The following FBXL17 variants were observed in gnomAD, a reference collection of about 807,000 sequenced individuals.
FBXL17 encodes the protein F-box/LRR-repeat protein 17.
Under a neutral mutation model 66.2 loss-of-function variants are expected in FBXL17, and 22 were observed. The ratio of observed to expected loss-of-function variants is 0.33; its 90% CI spans 0.24 to 0.47. The LOEUF (loss-of-function observed/expected upper bound fraction) is 0.47. Among genes scored for constraint, FBXL17 ranks in the 20% least tolerant of loss-of-function variants. The pLI is 1.00. For missense variants in FBXL17, 878 were observed against 948.2 expected (o/e 0.93, Z 0.97); for synonymous variants, 474 against 400.5 (o/e 1.18, Z -2.19).
chr5:107,904,229 G>A (rs1042808833), intron 7 of FBXL17, among the ~76,000 whole-genome samples: 9 of 151,900 alleles, frequency 5.9e-5, no homozygotes, highest in African/African-American at 9.7e-5. Context: ...CCTATCTCAC[G>A]ATGGCACCAC....
intron 6 of FBXL17, among the ~76,000 whole-genome samples, chr5:108,151,529 T>G (rs1751771915): frequency 6.6e-6 from 1 of 152,188 alleles, no homozygotes; most frequent in Non-Finnish European, 1.5e-5. Flanking sequence ...TATCAAAATC[T>G]TAATTCCCAA....
chr5:108,148,444 C>G (rs1202750136), intron 6 of FBXL17, among the ~76,000 whole-genome samples: 2 of 152,122 alleles, frequency 1.3e-5, no homozygotes, highest in African/African-American at 4.8e-5. Flanking sequence ...GTCCCTTTAG[C>G]GGAGCCCCAA....
intron 1 of FBXL17, among the ~76,000 whole-genome samples, chr5:108,374,206 A>G (rs1749262891): frequency 6.6e-6 from 1 of 152,258 alleles, no homozygotes; most frequent in African/African-American, 2.4e-5. Flanking sequence ...ATGGCCTATC[A>G]GATATCTCTA....
chr5:108,147,818 A>T (rs148701506), intron 6 of FBXL17, among the ~76,000 whole-genome samples: 1,730 of 152,244 alleles, frequency 0.011, 48 homozygotes, highest in African/African-American at 0.039. Context: ...AAGGCTGATC[A>T]CCTATGAAAG....
chr5:108,326,803 A>G (rs986405443), intron 4 of FBXL17, among the ~76,000 whole-genome samples: 1 of 152,174 alleles, frequency 6.6e-6, no homozygotes, highest in African/African-American at 2.4e-5. Context: ...AAATTTAAAA[A>G]TCTAAAAATA....
chr5:108,201,112 C>G (rs1753876286), intron 5 of FBXL17, among the ~76,000 whole-genome samples: 2 of 152,058 alleles, frequency 1.3e-5, no homozygotes, highest in Non-Finnish European at 2.9e-5. Flanking sequence ...AAATGAATTC[C>G]CTATATTTAA....
At chr5:108,347,805 C>T (rs1361506368) in intron 4 of FBXL17, among the ~76,000 whole-genome samples, 1 of 151,992 alleles carries the variant, frequency 6.6e-6, no homozygotes, top group Admixed American at 6.6e-5. Context: ...GAGTTGTACA[C>T]TTTAAAAGGG....
chr5:108,230,800 T>G (rs954632921), intron 4 of FBXL17, among the ~76,000 whole-genome samples: 1 of 122,266 alleles, frequency 8.2e-6, no homozygotes. Context: ...GGGGGAAGGG[T>G]TGGGGGGCGC....
chr5:108,116,364 G>C (rs1750248806), intron 6 of FBXL17, among the ~76,000 whole-genome samples: 1 of 151,952 alleles, frequency 6.6e-6, no homozygotes, highest in Admixed American at 6.6e-5. Flanking sequence ...ATAGGGTCAT[G>C]TGCAGTGGCT....
At position 107,880,722 on chromosome 5, in the gene FBXL17, G is replaced by T. The variant is rs2112500538; in HGVS notation, c.1965+315C>A. 14 of 1,284,848 alleles carry T rather than the reference G, an allele frequency of 1.1e-5. No individual in the cohort carries two copies. The South Asian group carries it at 4.1e-4, about 38-fold the overall frequency. The allele number at this position is 1,284,848 out of a possible 1,614,324, so 79.6% of individuals were successfully genotyped here. A position where few individuals can be genotyped will look rare whatever the true frequency, so the allele number is the denominator to read the frequency against. On this transcript the variant is annotated intron_variant, in intron 8 of 8. Transcript: ENST00000542267. ...GGTTAGACCCTGCAAATTGCAGTTT[G>T]TCATGTAATCTTTTACATTTTGGTC...
chr5:108,219,228 A>G (rs1381705566), intron 5 of FBXL17, among the ~76,000 whole-genome samples: 1 of 152,238 alleles, frequency 6.6e-6, no homozygotes, highest in East Asian at 1.9e-4. Flanking sequence ...TCAACAGTGA[A>G]GTCATCTGGG....
At chr5:108,130,156 T>C (rs1209537622) in intron 6 of FBXL17, among the ~76,000 whole-genome samples, 1 of 151,828 alleles carries the variant, frequency 6.6e-6, no homozygotes, top group Non-Finnish European at 1.5e-5. Flanking sequence ...TTTTAAAATA[T>C]AATTTTTATC....
At chr5:108,061,231 G>A (rs906002841) in intron 6 of FBXL17, among the ~76,000 whole-genome samples, 1 of 151,962 alleles carries the variant, frequency 6.6e-6, no homozygotes, top group African/African-American at 2.4e-5. Flanking sequence ...AGGTTGCAGT[G>A]AGCTGAGATC....
chr5:108,215,678 A>G (rs1754568447), intron 5 of FBXL17, among the ~76,000 whole-genome samples: 2 of 152,124 alleles, frequency 1.3e-5, no homozygotes, highest in South Asian at 4.1e-4. Flanking sequence ...ATTTCTTGAG[A>G]GTATCCTTTG....
intron 6 of FBXL17, among the ~76,000 whole-genome samples, chr5:108,183,927 A>AT (rs542175945): frequency 5.9e-5 from 9 of 152,186 alleles, no homozygotes; most frequent in Non-Finnish European, 1.3e-4. Context: ...ACAAGAGAGA[A>AT]TTTTTATAAA....
In FBXL17 at chr5:108,323,557, C is replaced by T. The variant is rs969178327; in HGVS notation, c.1506+24842G>A. On this transcript the variant is annotated intron_variant, in intron 4 of 8. Transcript: ENST00000542267. The stretch of plus-strand genomic sequence containing the variant: ...TATACAGGTTCAATACAATCCCTAT[C>T]AAAATCTGAAGGGCATTTTTTGCAG... Among the ~76,000 whole-genome samples the T allele has an allele frequency of 4.6e-5, 7 of 151,966 alleles. No homozygotes were observed. In the South Asian group the frequency reaches 1.5e-3, roughly 32 times the overall value.
intron 7 of FBXL17, among the ~76,000 whole-genome samples, chr5:108,020,284 C>T (rs1213383065): frequency 1.3e-5 from 2 of 151,692 alleles, no homozygotes; most frequent in Non-Finnish European, 3.0e-5. Flanking sequence ...AAAAAATTTA[C>T]AAAATTAAAC....
At chr5:108,041,693 C>T (rs1043347422) in intron 6 of FBXL17, among the ~76,000 whole-genome samples, 10 of 152,144 alleles carry the variant, frequency 6.6e-5, no homozygotes, top group Admixed American at 3.9e-4. Flanking sequence ...GCTGAGATTA[C>T]AGGTGTGAGC....
At chr5:108,122,086 C>T (rs1054124899) in intron 6 of FBXL17, among the ~76,000 whole-genome samples, 9 of 151,832 alleles carry the variant, frequency 5.9e-5, no homozygotes, top group African/African-American at 2.2e-4. Flanking sequence ...AGTTATAAAC[C>T]ACATTTTGAA....
Sources: allele counts gnomAD v4.1 joint callset (sites outside exome capture counted in the v4.1 genomes callset), GRCh38; gene constraint gnomAD v4.1.1; transcripts MANE v1.5; gene names NCBI Gene and HGNC (gene_info 2026-07-23, HGNC 2026-07-21).